The following ABCA1 variants were observed in gnomAD, a reference collection of about 807,000 sequenced individuals.
The protein encoded by ABCA1 is phospholipid-transporting ATPase ABCA1.
ABCA1 carries 133 observed loss-of-function variants against 262.5 expected under a neutral mutation model. That is an observed-to-expected ratio of 0.51 (90% CI 0.44 to 0.59). The LOEUF is 0.59. ABCA1 is among the 20% of genes least tolerant of loss of function. ABCA1 has a pLI of 0.00. For missense variants in ABCA1, 2,452 were observed against 2,777.5 expected (o/e 0.88, Z 2.63); for synonymous variants, 1,022 against 1,043.5 (o/e 0.98, Z 0.40).
At chr9:104,862,408 C>G (rs756526083) in intron 5 of ABCA1, among the ~76,000 whole-genome samples, 2 of 92,952 alleles carry the variant, frequency 2.2e-5, no homozygotes, top group Non-Finnish European at 3.9e-5. Context: ...CATGCCCGGT[C>G]TTTCTCTTCT....
intron 1 of ABCA1, among the ~76,000 whole-genome samples, chr9:104,908,799 G>A (rs1473368852): frequency 1.3e-5 from 2 of 152,182 alleles, no homozygotes; most frequent in African/African-American, 4.8e-5. Context: ...ACTACATACT[G>A]CATGATTCCA....
chr9:104,913,130 T>C (rs564935950), intron 1 of ABCA1, among the ~76,000 whole-genome samples: 41 of 152,362 alleles, frequency 2.7e-4, no homozygotes, highest in Admixed American at 5.9e-4. Flanking sequence ...GAAGGATTTA[T>C]ATTTATGAAA....
chr9:104,921,216 G>C (rs1318665104), intron 1 of ABCA1, among the ~76,000 whole-genome samples: 1 of 152,102 alleles, frequency 6.6e-6, no homozygotes, highest in Non-Finnish European at 1.5e-5. Context: ...CAAAATATCT[G>C]GACTTTAAGA....
intron 11 of ABCA1, among the ~76,000 whole-genome samples, chr9:104,834,332 G>T (rs759650009): frequency 6.7e-6 from 1 of 149,406 alleles, no homozygotes; most frequent in Non-Finnish European, 1.5e-5. Context: ...ATTTTAAAAT[G>T]GTTCTTTAAA....
chr9:104,913,765 C>T (rs1196567350), intron 1 of ABCA1, among the ~76,000 whole-genome samples: 1 of 151,728 alleles, frequency 6.6e-6, no homozygotes, highest in African/African-American at 2.4e-5. Context: ...ACACTGCCAC[C>T]TCCCTACAAG....
intron 5 of ABCA1, among the ~76,000 whole-genome samples, chr9:104,866,024 A>G (rs556766054): frequency 2.6e-5 from 4 of 152,310 alleles, no homozygotes; most frequent in African/African-American, 9.6e-5. Context: ...CTTCATGGCG[A>G]GCAACCAGAC....
At chr9:104,882,046 A>AAAAAC (rs1554740529) in intron 5 of ABCA1, among the ~76,000 whole-genome samples, 1 of 148,566 alleles carries the variant, frequency 6.7e-6, no homozygotes, top group Admixed American at 6.7e-5. Context: ...AAAAAAAAAA[A>AAAAAC]AAAAAAAAAA....
intron 7 of ABCA1, among the ~76,000 whole-genome samples, chr9:104,849,993 G>C (rs907536941): frequency 1.3e-5 from 2 of 152,208 alleles, no homozygotes; most frequent in Non-Finnish European, 2.9e-5. Flanking sequence ...TGCAAGACAA[G>C]AGTTATCTCT....
At chr9:104,889,263 C>A in intron 2 of ABCA1, 68 bp from the exon 3 acceptor site, 1 of 1,561,808 alleles carries the variant, frequency 6.4e-7, no homozygotes, top group South Asian at 1.2e-5. Flanking sequence ...CCACTGGGAT[C>A]TGGGAAATCC....
At chr9:104,801,118 A>AAAAAG (rs749539855) in intron 34 of ABCA1, among the ~76,000 whole-genome samples, 1,587 of 152,090 alleles carry the variant, frequency 0.01, 25 homozygotes, top group Non-Finnish European at 0.017. Context: ...TGCCAGCTTA[A>AAAAAG]AAAAAAAAAA....
Position 104,809,457 on chromosome 9 carries a change from G to T in ABCA1, c.4274+9C>A. The T allele has an allele frequency of 6.2e-7, 1 of 1,613,790 alleles. No homozygotes were observed. The highest frequency in any genetic ancestry group is 1.6e-4 in the Middle Eastern group (1 of 6,062). On this transcript the variant is annotated intron_variant, in intron 30 of 49. Coordinates refer to ENST00000374736, the MANE Select transcript of ABCA1 (RefSeq NM_005502.4). Reference sequence around the variant, plus strand: ...CAAGAAGCCTGCTTATGGCTAAAGTGGCACTCACGGGATTGGGTTTCCTTC... The same window carrying T: ...CAAGAAGCCTGCTTATGGCTAAAGTTGCACTCACGGGATTGGGTTTCCTTC...
At chr9:104,914,391 C>T (rs1278039309) in intron 1 of ABCA1, among the ~76,000 whole-genome samples, 2 of 151,472 alleles carry the variant, frequency 1.3e-5, no homozygotes, top group East Asian at 4.0e-4. Context: ...GCCAGGAAAC[C>T]ATCAAGTGAG....
At chr9:104,832,823 G>A (rs1217008062) in intron 11 of ABCA1, 52 bp from the exon 12 acceptor site, 1 of 1,565,300 alleles carries the variant, frequency 6.4e-7, no homozygotes. Context: ...AAATCTTGAG[G>A]AGCACTACAA....
chr9:104,838,497 G>T (rs1834036977), intron 9 of ABCA1, among the ~76,000 whole-genome samples: 1 of 150,704 alleles, frequency 6.6e-6, no homozygotes, highest in African/African-American at 2.4e-5. Context: ...GGCACCTGCA[G>T]TTCCAGCTAC....
In ABCA1 at chr9:104,840,414, T is replaced by A. The variant is rs990977363; in HGVS notation, c.919A>T (p.Ile307Phe). The change falls in exon 9 of 50, where the codon ATT (isoleucine) becomes TTT (phenylalanine). Residue 307 changes from isoleucine to phenylalanine, a missense_variant. Coordinates refer to ENST00000374736, the MANE Select transcript of ABCA1 (RefSeq NM_005502.4). Reference sequence around the variant, plus strand: ...CCTCCCTCGGGATGCCCGCAGACAATACGAGACACAGCCTGGTAGATTTGG... The same window carrying A: ...CCTCCCTCGGGATGCCCGCAGACAAAACGAGACACAGCCTGGTAGATTTGG... ...STQIYQAVSRIVCGHPEGGGL... is the reference protein window; with the variant it reads ...STQIYQAVSRFVCGHPEGGGL... 2 of 1,614,164 alleles carry A rather than the reference T, an allele frequency of 1.2e-6. No homozygotes were observed. The highest frequency in any genetic ancestry group is 1.7e-6 in the Non-Finnish European group (2 of 1,180,032).
In ABCA1 at chr9:104,828,610, A is replaced by C. The variant is rs554538836; in HGVS notation, c.2115+306T>G. On this transcript the variant is annotated intron_variant, in intron 15 of 49. Coordinates refer to ENST00000374736, the MANE Select transcript of ABCA1 (RefSeq NM_005502.4). Reference sequence around the variant, plus strand: ...ATATCTAAGAAAATAAATAGCTTTCAGATGCTGCCATGAACCACTACCAAT... The same window carrying C: ...ATATCTAAGAAAATAAATAGCTTTCCGATGCTGCCATGAACCACTACCAAT... Among the ~76,000 whole-genome samples the C allele has an allele frequency of 2.0e-5, 3 of 152,336 alleles. No individual in the cohort carries two copies. In the South Asian group the frequency reaches 6.2e-4, roughly 32 times the overall value.
At chr9:104,815,765 G>A (rs889249592) in intron 25 of ABCA1, among the ~76,000 whole-genome samples, 2 of 152,174 alleles carry the variant, frequency 1.3e-5, no homozygotes, top group African/African-American at 4.8e-5. Context: ...TCTGAGCTGG[G>A]CCCAAGTTGC....
chr9:104,815,226 G>T (rs181207882), intron 25 of ABCA1, among the ~76,000 whole-genome samples: 266 of 152,276 alleles, frequency 1.7e-3, no homozygotes, highest in African/African-American at 6.2e-3. Context: ...CTGAATGAGC[G>T]CAATCATTTC....
At chr9:104,872,920 C>G (rs886754378) in intron 5 of ABCA1, among the ~76,000 whole-genome samples, 1 of 152,234 alleles carries the variant, frequency 6.6e-6, no homozygotes, top group African/African-American at 2.4e-5. Context: ...GTTTTCTATT[C>G]TTGTCTGAGT....
Sources: gnomAD v4.1 joint callset for allele counts (sites outside exome capture counted in the v4.1 genomes callset) on GRCh38, gnomAD v4.1.1 for gene constraint, MANE v1.5 for transcripts, NCBI Gene and HGNC (gene_info 2026-07-23, HGNC 2026-07-21) for gene names.